Variants in EFR3B observed in about 807,000 individuals in gnomAD.
EFR3B encodes EFR3 homolog B.
A neutral mutation model predicts 104.7 loss-of-function variants in EFR3B; 64 were observed. The observed-to-expected ratio is 0.61, with a 90% CI of 0.50 to 0.75. The LOEUF is 0.75. Among genes scored for constraint, EFR3B ranks in the 30% least tolerant of loss-of-function variants. The pLI is 0.00. For missense variants in EFR3B, 750 were observed against 1,078.5 expected (o/e 0.70, Z 4.27); for synonymous variants, 385 against 417.9 (o/e 0.92, Z 0.96).
At chr2:25,109,642 C>T (rs535150394) in intron 4 of EFR3B, among the ~76,000 whole-genome samples, 26 of 152,224 alleles carry the variant, frequency 1.7e-4, no homozygotes, top group African/African-American at 6.3e-4. Context: ...TTTATCGTCC[C>T]ATGTATATGA....
chr2:25,068,851 T>G (rs1573177890), intron 1 of EFR3B, among the ~76,000 whole-genome samples: 4 of 151,916 alleles, frequency 2.6e-5, no homozygotes, highest in African/African-American at 9.7e-5. Context: ...GGATGGTCTC[T>G]ATCTCCTGAC....
In EFR3B at chr2:25,114,240, T is replaced by C. The variant is rs1054340487; in HGVS notation, c.364-7433T>C. Among the ~76,000 whole-genome samples the C allele has an allele frequency of 1.3e-5, 2 of 152,060 alleles. No homozygotes were observed. The highest frequency in any genetic ancestry group is 2.9e-5 in the Non-Finnish European group (2 of 68,002). On this transcript the variant is annotated intron_variant, in intron 4 of 22. Transcript: ENST00000403714. This position sits in a 1 kb window ranked among gnomAD's most constrained non-coding sequence, Gnocchi z 4.0. ...ACCCCTGGAAGATTCAGGAACCACA[T>C]AGGGTGGGCTCTCTAGGAGCTGCCC...
chr2:25,128,928 T>TA (rs1358468094), intron 6 of EFR3B, among the ~76,000 whole-genome samples: 6 of 114,410 alleles, frequency 5.2e-5, no homozygotes, highest in Non-Finnish European at 9.8e-5. Context: ...CCGCTGCACT[T>TA]ACAGCCTGGG....
rs1273718047 is a variant in EFR3B at position 25,149,696 on chromosome 2, A to C, written c.2145A>C (p.Arg715=). 1 of 1,551,502 alleles carries C rather than the reference A, an allele frequency of 6.4e-7. No homozygotes were observed. The highest frequency in any genetic ancestry group is 8.7e-7 in the Non-Finnish European group (1 of 1,146,854). ...ESRNSPEKEE[R]VPAEEITYET... is the part of the protein sequence containing the mutation. The stretch of plus-strand genomic sequence containing the variant: ...CATCTCTGTCCCTTCTCCTTCAGCG[A>C]GTGCCTGCCGAGGAGATCACCTATG... The change falls in exon 20 of 23, where the codon CGA becomes CGC. Residue 715 remains arginine, a splice_region_variant and synonymous_variant. Coordinates refer to ENST00000403714, the MANE Select transcript of EFR3B (RefSeq NM_014971.2).
chr2:25,096,564 C>T (rs995119988), intron 3 of EFR3B, among the ~76,000 whole-genome samples: 3 of 152,166 alleles, frequency 2.0e-5, no homozygotes, highest in South Asian at 2.1e-4. Flanking sequence ...TGGGGTCTTC[C>T]ACAACCTGCC....
At chr2:25,106,456 ATTTTTTT>A (rs35899048) in intron 4 of EFR3B, among the ~76,000 whole-genome samples, 1 of 129,728 alleles carries the variant, frequency 7.7e-6, no homozygotes, top group African/African-American at 2.9e-5. Context: ...TGCCCAGCTA[ATTTTTTT>A]TTTTTTTTTT....
Position 25,114,807 on chromosome 2 carries a change from T to C in EFR3B, c.364-6866T>C, listed in dbSNP as rs552143121. 6.5e-4 allele frequency among the ~76,000 whole-genome samples: 99 copies of C among 152,332 alleles called. No individual in the cohort carries two copies. Among genetic ancestry groups the C allele is most frequent in the Non-Finnish European group, 2.2e-4 (15 of 68,016 alleles). ...CTGACCCTGCCTCAGAACATTTCTATAGCTGTGGGACCAGTTTACCCTGGG... is the reference window on the plus strand; with the variant it reads ...CTGACCCTGCCTCAGAACATTTCTACAGCTGTGGGACCAGTTTACCCTGGG... On this transcript the variant is annotated intron_variant, in intron 4 of 22. Transcript: ENST00000403714. This position sits in a 1 kb window ranked among gnomAD's most constrained non-coding sequence, Gnocchi z 4.0.
In EFR3B at chr2:25,154,132, G is replaced by T. The variant is rs1018259219; in HGVS notation, c.2349-103G>T. 2.8e-5 allele frequency: 28 copies of T among 1,014,998 alleles called. No individual in the cohort carries two copies. The highest frequency in any genetic ancestry group is 4.1e-5 in the Non-Finnish European group (28 of 682,596). 62.9% of individuals were successfully genotyped at this position (1,014,998 alleles called of 1,614,324 possible). On this transcript the variant is annotated intron_variant, in intron 22 of 22. Coordinates refer to ENST00000403714, the MANE Select transcript of EFR3B (RefSeq NM_014971.2). The surrounding 1 kb of genome is among the most constrained non-coding windows in gnomAD (Gnocchi z 4.1). ...TGGAATGAAGGGGTCTCTGGTGCCT[G>T]TGCAAAAAGAAACCCAAGTCACCTA... is the stretch of plus-strand genomic sequence containing the variant.
At chr2:25,097,121 A>G (rs2149187826) in intron 3 of EFR3B, among the ~76,000 whole-genome samples, 1 of 152,326 alleles carries the variant, frequency 6.6e-6, no homozygotes, top group Non-Finnish European at 1.5e-5. Context: ...TGGTTCTCTC[A>G]GTAAAAAAAT....
Position 25,051,635 on chromosome 2 carries a change from G to GT in EFR3B, c.7+9317dup, listed in dbSNP as rs1378941873. Among the ~76,000 whole-genome samples the GT allele has an allele frequency of 4.9e-4, 48 of 97,518 alleles. No homozygotes were observed. In the South Asian group the frequency reaches 8.9e-3, roughly 18 times the overall value. The allele number at this position is 97,518 out of a possible 152,430, so 64.0% of individuals were successfully genotyped here. On this transcript the variant is annotated intron_variant, in intron 1 of 22. Transcript: ENST00000403714. ...ACACATTTCTCTTTTGTGTGTGTGTGTGTTTTTTTTTTTTTTTTCAGACAC... is the reference window on the plus strand; with the variant it reads ...ACACATTTCTCTTTTGTGTGTGTGTGTTGTTTTTTTTTTTTTTTTCAGACAC...
chr2:25,059,580 G>GT (rs1180466525), intron 1 of EFR3B, among the ~76,000 whole-genome samples: 2 of 145,774 alleles, frequency 1.4e-5, no homozygotes, highest in South Asian at 4.6e-4. Flanking sequence ...TGCGGGGGGG[G>GT]GGGGGGTGGA....
chr2:25,094,372 T>G (rs190169823), intron 3 of EFR3B, among the ~76,000 whole-genome samples: 1 of 151,556 alleles, frequency 6.6e-6, no homozygotes, highest in African/African-American at 2.4e-5. Context: ...GACAAAGGAT[T>G]CAAACTTATA....
chr2:25,151,382 A>G (rs989556282), intron 20 of EFR3B, among the ~76,000 whole-genome samples: 1 of 151,994 alleles, frequency 6.6e-6, no homozygotes, highest in Non-Finnish European at 1.5e-5. Flanking sequence ...CAGCCTCCCA[A>G]GTAACTGAGA....
Position 25,129,976 on chromosome 2 carries a change from CG to C in EFR3B, c.639del (p.Ser214LeufsTer127). 6.4e-7 allele frequency: 1 copy of C among 1,551,516 alleles called. No homozygotes were observed. Among genetic ancestry groups the C allele is most frequent in the Non-Finnish European group, 8.7e-7 (1 of 1,146,996 alleles). On this transcript the variant is annotated frameshift_variant and splice_region_variant, in exon 7 of 23. Coordinates refer to ENST00000403714, the MANE Select transcript of EFR3B (RefSeq NM_014971.2). LOFTEE classifies it high-confidence loss of function. Reference protein sequence around the residue: ...NLQHVEEAESRSPSPLQAPEK... With the variant: ...NLQHVEEAESXSPSPLQAPEK... ...ACCCATGTGCCTCTGTCTCCCCAGCCGGTCTCCCTCACCCCTCCAAGCACCT... is the reference window on the plus strand; with the variant it reads ...ACCCATGTGCCTCTGTCTCCCCAGCCGTCTCCCTCACCCCTCCAAGCACCT...
chr2:25,092,268 C>T (rs772351633), intron 2 of EFR3B, among the ~76,000 whole-genome samples: 1 of 151,412 alleles, frequency 6.6e-6, no homozygotes, highest in Admixed American at 6.6e-5. Flanking sequence ...CGGGATTTCA[C>T]CATGTTGGCC....
At chr2:25,074,069 G>C (rs986002255) in intron 1 of EFR3B, among the ~76,000 whole-genome samples, 35 of 152,242 alleles carry the variant, frequency 2.3e-4, no homozygotes, top group African/African-American at 7.5e-4. Context: ...TGGCACAGTG[G>C]GGGGGACTCA....
chr2:25,088,160 A>G (rs1208996326), intron 1 of EFR3B, among the ~76,000 whole-genome samples: 4 of 152,044 alleles, frequency 2.6e-5, no homozygotes, highest in Admixed American at 1.3e-4. Context: ...TGGCCTTCCA[A>G]TGGCAAGTCC....
chr2:25,128,456 C>T (rs1399744870), intron 6 of EFR3B, 124 bp downstream of exon 6: 4 of 1,308,846 alleles, frequency 3.1e-6, no homozygotes, highest in Non-Finnish European at 3.1e-6. Context: ...GGCTTTGTGG[C>T]TTGTTCTGCA....
chr2:25,128,410 T>C (rs1042027780), intron 6 of EFR3B, 78 bp downstream of exon 6: 3 of 1,528,810 alleles, frequency 2.0e-6, no homozygotes, highest in African/African-American at 2.8e-5. Context: ...ATGGTTTGGG[T>C]TGGTCAGTAA....
Sources: allele counts gnomAD v4.1 joint callset (sites outside exome capture counted in the v4.1 genomes callset), GRCh38; gene constraint gnomAD v4.1.1; non-coding constraint Gnocchi (gnomAD v3.1); transcripts MANE v1.5; gene names NCBI Gene and HGNC (gene_info 2026-07-23, HGNC 2026-07-21).